NTRK3: variants seen among roughly 807,000 people sequenced by gnomAD.
The protein encoded by NTRK3 is NT-3 growth factor receptor.
In NTRK3, 24 loss-of-function variants were observed where a neutral mutation model predicts 91.7. That is an observed-to-expected ratio of 0.26 (90% CI 0.19 to 0.37). The LOEUF is 0.37. Ranked by LOEUF, NTRK3 falls within the 10% of genes least tolerant of loss-of-function variation. The pLI is 1.00. For synonymous variants in NTRK3, 483 were observed against 404.0 expected, an observed-to-expected ratio of 1.20 and a Z score of -2.34; for missense variants, 880 against 1,068.9, an observed-to-expected ratio of 0.82 and a Z score of 2.46.
chr15:88,190,515 T>G (rs987215550), intron 3 of NTRK3, among the ~76,000 whole-genome samples: 4 of 152,188 alleles, frequency 2.6e-5, no homozygotes, highest in African/African-American at 9.7e-5. Flanking sequence ...TGATATGACT[T>G]CCTATTCCAA....
At chr15:88,087,122 G>A (rs2048573078) in intron 13 of NTRK3, among the ~76,000 whole-genome samples, 1 of 152,210 alleles carries the variant, frequency 6.6e-6, no homozygotes, top group Admixed American at 6.5e-5. Flanking sequence ...AGCGTGATGT[G>A]AGGCGAATAT....
intron 13 of NTRK3, among the ~76,000 whole-genome samples, chr15:88,090,232 G>C (rs1394169577): frequency 6.6e-6 from 1 of 152,116 alleles, no homozygotes; most frequent in Non-Finnish European, 1.5e-5. Flanking sequence ...AGGTTCATTT[G>C]TTTGTTTATT....
chr15:88,188,662 G>A (rs2047143904), intron 3 of NTRK3, among the ~76,000 whole-genome samples: 1 of 152,240 alleles, frequency 6.6e-6, no homozygotes, highest in South Asian at 2.1e-4. Flanking sequence ...CTACCTCTAG[G>A]TCACTGAGTC....
intron 14 of NTRK3, among the ~76,000 whole-genome samples, chr15:87,960,315 G>C (rs2072130693): frequency 6.6e-6 from 1 of 152,046 alleles, no homozygotes; most frequent in Non-Finnish European, 1.5e-5. Context: ...CATCTTACAT[G>C]AATTAATAAC....
rs2068604099 is a variant in NTRK3 at position 87,929,451 on chromosome 15, A to G, written c.1890-17T>C. ...CCATGGGCCCTGCAAGAGCATGGGG[A>G]GAAGAGAGGGGGCAGAGAGAAATCA... On this transcript the variant is annotated splice_polypyrimidine_tract_variant and intron_variant, in intron 16 of 18. Transcript: ENST00000394480. The G allele has an allele frequency of 1.9e-6, 3 of 1,612,866 alleles. No individual in the cohort carries two copies. The South Asian group carries it at 3.3e-5, about 18-fold the overall frequency.
chr15:88,186,812 C>A (rs1252331333), intron 3 of NTRK3, among the ~76,000 whole-genome samples: 12 of 152,118 alleles, frequency 7.9e-5, no homozygotes, highest in Admixed American at 7.9e-4. Context: ...AATATTTACT[C>A]TCTGGCCCTT....
intron 14 of NTRK3, among the ~76,000 whole-genome samples, chr15:88,030,350 T>G (rs1339520978): frequency 6.6e-6 from 1 of 152,202 alleles, no homozygotes; most frequent in Admixed American, 6.5e-5. Flanking sequence ...TGCTTTGTTT[T>G]GACACCAAAG....
intron 17 of NTRK3, among the ~76,000 whole-genome samples, chr15:87,897,503 T>C (rs1162275704): frequency 6.6e-6 from 1 of 152,170 alleles, no homozygotes; most frequent in Non-Finnish European, 1.5e-5. Context: ...TTTAAGATGA[T>C]GTTAAAAGAG....
chr15:87,966,499 A>C (rs529346957), intron 14 of NTRK3, among the ~76,000 whole-genome samples: 2 of 152,086 alleles, frequency 1.3e-5, no homozygotes, highest in African/African-American at 4.8e-5. Context: ...TCTCGCGTAC[A>C]TATGTGTGCA....
At chr15:88,161,351 A>G (rs913880876) in intron 5 of NTRK3, among the ~76,000 whole-genome samples, 1 of 152,174 alleles carries the variant, frequency 6.6e-6, no homozygotes, top group Non-Finnish European at 1.5e-5. Flanking sequence ...CTGGATGCAG[A>G]GTCTGTGCCC....
At chr15:88,095,761 G>A (rs1239992814) in intron 13 of NTRK3, among the ~76,000 whole-genome samples, 2 of 152,132 alleles carry the variant, frequency 1.3e-5, no homozygotes, top group South Asian at 2.1e-4. Flanking sequence ...GGTGAAGCTT[G>A]GATACTCCAA....
intron 17 of NTRK3, among the ~76,000 whole-genome samples, chr15:87,893,643 A>C (rs2065957714): frequency 6.6e-6 from 1 of 152,208 alleles, no homozygotes; most frequent in South Asian, 2.1e-4. Flanking sequence ...CAAGGTTCTC[A>C]GGCTTCCGCA....
chr15:87,908,966 G>A (rs941841968), intron 17 of NTRK3, among the ~76,000 whole-genome samples: 2 of 152,092 alleles, frequency 1.3e-5, no homozygotes, highest in African/African-American at 4.8e-5. Context: ...TGGAGAGGAA[G>A]TGGGTTCTAT....
intron 12 of NTRK3, among the ~76,000 whole-genome samples, chr15:88,126,710 A>G (rs562722602): frequency 6.6e-6 from 1 of 152,328 alleles, no homozygotes; most frequent in Admixed American, 6.5e-5. Context: ...CTTCATGTTA[A>G]AATTCCTTAT....
At chr15:88,087,707 G>A (rs996612718) in intron 13 of NTRK3, among the ~76,000 whole-genome samples, 3 of 152,170 alleles carry the variant, frequency 2.0e-5, no homozygotes, top group Non-Finnish European at 4.4e-5. Context: ...GACAGTGGTG[G>A]CGATTTCACT....
intron 13 of NTRK3, among the ~76,000 whole-genome samples, chr15:88,038,793 T>C (rs2079311519): frequency 6.7e-6 from 1 of 150,156 alleles, no homozygotes; most frequent in African/African-American, 2.5e-5. Flanking sequence ...ACATCCCCTG[T>C]GGTGACGGAG....
intron 6 of NTRK3, among the ~76,000 whole-genome samples, chr15:88,141,059 C>G (rs1256576420): frequency 6.6e-6 from 1 of 151,970 alleles, no homozygotes; most frequent in African/African-American, 2.4e-5. Context: ...AAAGAACCAG[C>G]AGAAAGGAAG....
intron 3 of NTRK3, among the ~76,000 whole-genome samples, chr15:88,244,931 T>C (rs1011937249): frequency 6.6e-6 from 1 of 152,182 alleles, no homozygotes. Flanking sequence ...TAAATTACCC[T>C]AGATAGAGAT....
At chr15:88,113,163 C>T (rs1196832763) in intron 13 of NTRK3, among the ~76,000 whole-genome samples, 2 of 152,262 alleles carry the variant, frequency 1.3e-5, no homozygotes, top group Middle Eastern at 3.4e-3. Flanking sequence ...GGTATAGCTA[C>T]TATGCAGGGC....
Sources: allele counts gnomAD v4.1 joint callset (sites outside exome capture counted in the v4.1 genomes callset), GRCh38; gene constraint gnomAD v4.1.1; transcripts MANE v1.5; gene names NCBI Gene and HGNC (gene_info 2026-07-23, HGNC 2026-07-21).